The following ANKS3 variants were observed in gnomAD, a reference collection of about 807,000 sequenced individuals.
ANKS3 encodes ankyrin repeat and SAM domain-containing protein 3.
Under a neutral mutation model 80.7 loss-of-function variants are expected in ANKS3, and 62 were observed. The observed-to-expected ratio is 0.77, with a 90% confidence interval of 0.63 to 0.95. ANKS3 has a LOEUF of 0.95. Among genes scored for constraint, ANKS3 ranks in the 40% least tolerant of loss-of-function variants. The pLI, the probability that ANKS3 is intolerant of heterozygous loss-of-function variation, is 0.00. For missense variants in ANKS3, 1,150 were observed against 883.6 expected (o/e 1.30, Z -3.82); for synonymous variants, 489 against 355.3 (o/e 1.38, Z -4.23).
At chr16:4,729,495 G>A (rs2081517255) in intron 3 of ANKS3, 1 of 152,228 alleles carries the variant, frequency 6.6e-6, no homozygotes, top group East Asian at 1.9e-4. Context: ...TGAGTAGCTG[G>A]GATTACAGGT....
chr16:4,716,063 A>G (rs146221893), intron 6 of ANKS3, among the ~76,000 whole-genome samples: 2,418 of 152,124 alleles, frequency 0.016, 40 homozygotes, highest in Middle Eastern at 0.048. Flanking sequence ...CATCATTAAG[A>G]GAAAAAAGGC....
intron 6 of ANKS3, among the ~76,000 whole-genome samples, chr16:4,723,169 T>C (rs894195337): frequency 2.6e-5 from 4 of 152,148 alleles, no homozygotes; most frequent in Non-Finnish European, 5.9e-5. Context: ...TATAAAGATA[T>C]AATCCACATA....
intron 3 of ANKS3, among the ~76,000 whole-genome samples, chr16:4,728,908 G>C (rs1301635166): frequency 6.6e-6 from 1 of 152,136 alleles, no homozygotes; most frequent in South Asian, 2.1e-4. Context: ...CCATGGGCTG[G>C]GTATGTCTAA....
intron 5 of ANKS3, 27 bp downstream of exon 5, chr16:4,726,632 T>G: frequency 6.2e-7 from 1 of 1,608,614 alleles, no homozygotes; most frequent in Non-Finnish European, 8.5e-7. Flanking sequence ...AGGCCACTCC[T>G]GTGGCCACTA....
chr16:4,718,432 G>T (rs954367471), intron 6 of ANKS3, among the ~76,000 whole-genome samples: 3 of 152,206 alleles, frequency 2.0e-5, no homozygotes, highest in African/African-American at 7.2e-5. Context: ...CTCTTCTCCT[G>T]ACTGAGCTGC....
chr16:4,730,863 CAAAAA>C (rs770842141), intron 2 of ANKS3, among the ~76,000 whole-genome samples: 2 of 143,952 alleles, frequency 1.4e-5, no homozygotes, highest in Non-Finnish European at 3.1e-5. Flanking sequence ...AAAAACAAAA[CAAAAA>C]AAAAAAACAA....
intron 13 of ANKS3, 91 bp downstream of exon 13, chr16:4,698,709 A>AC (rs2079727376): frequency 6.5e-7 from 1 of 1,537,854 alleles, no homozygotes; most frequent in African/African-American, 1.4e-5. Context: ...CATCCACCTG[A>AC]CCCCTCCACA....
At chr16:4,725,424 A>G (rs1433883644) in intron 5 of ANKS3, among the ~76,000 whole-genome samples, 1 of 152,242 alleles carries the variant, frequency 6.6e-6, no homozygotes, top group African/African-American at 2.4e-5. Context: ...CACAGTGTTC[A>G]TATTTTAACA....
At chr16:4,702,316 G>A in intron 8 of ANKS3, 74 bp from the exon 9 acceptor site, 3 of 1,376,116 alleles carry the variant, frequency 2.2e-6, no homozygotes, top group African/African-American at 3.0e-5. Context: ...GGCCCAGGAT[G>A]GAGGCAGGTG....
rs2079675839 is a variant in ANKS3, at chr16:4,698,082, A to G, written c.1725-20T>C. 5.6e-6 allele frequency: 9 copies of G among 1,593,768 alleles called. No individual in the cohort carries two copies. The South Asian group carries it at 9.1e-5, about 16-fold the overall frequency. On this transcript the variant is annotated intron_variant, in intron 14 of 17. Coordinates refer to ENST00000304283, the MANE Select transcript of ANKS3 (RefSeq NM_133450.4). ...CAGGCTCTGCCAGACACAGAAACAA[A>G]TATTGGTGAGAGCAGAGGCCTGGCC...
chr16:4,733,148 G>C (rs925477550), intron 1 of ANKS3, among the ~76,000 whole-genome samples: 5 of 119,082 alleles, frequency 4.2e-5, no homozygotes, highest in African/African-American at 1.6e-4. Context: ...ATAAGATCTA[G>C]TATTTGATCA....
In ANKS3 at chr16:4,701,046, C is replaced by T. The variant is rs149148220; in HGVS notation, c.1208G>A (p.Arg403His). 2.4e-4 allele frequency: 380 copies of T among 1,614,068 alleles called. No individual in the cohort carries two copies. The highest frequency in any genetic ancestry group is 1.6e-3 in the Middle Eastern group (10 of 6,062). The change falls in exon 11 of 18, where the codon CGC becomes CAC. Residue 403 changes from arginine (R) to histidine (H), a missense_variant. Transcript: ENST00000304283. ...TKNPDSQWPP[R>H]AATDREGFLA... ...AAAGCCTTCCCTGTCAGTTGCAGCG[C>T]GGGGAGGCCACTGGCTGTCAGGATT... is the stretch of plus-strand genomic sequence containing the variant.
chr16:4,727,957 A>C (rs913578993), intron 3 of ANKS3: 5 of 152,332 alleles, frequency 3.3e-5, no homozygotes, highest in African/African-American at 9.6e-5. Context: ...TAACGCCCAC[A>C]GGCCTTCTTT....
chr16:4,704,903 C>T (rs910652031), intron 8 of ANKS3, among the ~76,000 whole-genome samples, 192 bp downstream of exon 8: 2 of 152,252 alleles, frequency 1.3e-5, no homozygotes, highest in African/African-American at 4.8e-5. Flanking sequence ...AAGAGCTAGT[C>T]CGTGACCAAT....
intron 6 of ANKS3, among the ~76,000 whole-genome samples, chr16:4,721,672 TCTGTCAC>T (rs1329025696): frequency 6.6e-6 from 1 of 150,768 alleles, no homozygotes; most frequent in Non-Finnish European, 1.5e-5. Context: ...ATAGTCTCAC[TCTGTCAC>T]CCAGGCTGGA....
chr16:4,714,403 G>A (rs1416567132), intron 6 of ANKS3: 5 of 636,120 alleles, frequency 7.9e-6, no homozygotes, highest in Non-Finnish European at 1.0e-5. Context: ...GAGGAGGGCT[G>A]GGGGCTGGGG....
intron 9 of ANKS3, 123 bp downstream of exon 9, chr16:4,701,979 C>T: frequency 8.1e-7 from 1 of 1,241,514 alleles, no homozygotes. Flanking sequence ...CACACCTACC[C>T]CTTTCCTGTC....
chr16:4,707,767 T>A (rs1210600492), intron 7 of ANKS3, among the ~76,000 whole-genome samples: 2 of 152,106 alleles, frequency 1.3e-5, no homozygotes, highest in African/African-American at 4.8e-5. Flanking sequence ...CTAAACTGTA[T>A]ACAGATAATA....
At chr16:4,727,304 C>T (rs1295462440) in intron 3 of ANKS3, 127 bp from the exon 4 acceptor site, 2 of 945,646 alleles carry the variant, frequency 2.1e-6, no homozygotes, top group African/African-American at 1.6e-5. Context: ...CCACCCTGGA[C>T]GTTGTGGGGA....
Sources: allele counts gnomAD v4.1 joint callset (sites outside exome capture counted in the v4.1 genomes callset), GRCh38; gene constraint gnomAD v4.1.1; transcripts MANE v1.5; gene names NCBI Gene and HGNC (gene_info 2026-07-23, HGNC 2026-07-21).